The following PCDHA2 variants were observed in gnomAD, a reference collection of about 807,000 sequenced individuals.
PCDHA2 encodes the protein protocadherin alpha-2.
PCDHA2 carries 58 observed loss-of-function variants against 66.0 expected under a neutral mutation model. That is an observed-to-expected ratio of 0.88 (90% CI 0.71 to 1.09). The LOEUF (loss-of-function observed/expected upper bound fraction) is 1.09, where lower values mean the gene tolerates loss of function less well. Among genes scored for constraint, PCDHA2 ranks in the 50% least tolerant of loss-of-function variants. PCDHA2 has a pLI of 0.00. For synonymous variants in PCDHA2, 634 were observed against 554.0 expected, an observed-to-expected ratio of 1.14 and a Z score of -2.03; for missense variants, 1,267 against 1,242.3, an observed-to-expected ratio of 1.02 and a Z score of -0.30.
chr5:140,799,131 G>C (rs1762396196), intron 1 of PCDHA2, among the ~76,000 whole-genome samples: 1 of 151,712 alleles, frequency 6.6e-6, no homozygotes, highest in East Asian at 1.9e-4. Flanking sequence ...ATTTTTTCTT[G>C]GTTGTCTAAG....
intron 1 of PCDHA2, chr5:140,862,565 A>G: frequency 2.1e-6 from 1 of 478,016 alleles, no homozygotes; most frequent in Non-Finnish European, 4.3e-6. Context: ...GTGAACCACA[A>G]TGCCCTGGCG....
At chr5:140,830,050 C>A (rs1770777643) in intron 1 of PCDHA2, 1 of 1,613,786 alleles carries the variant, frequency 6.2e-7, no homozygotes, top group Non-Finnish European at 8.5e-7. Flanking sequence ...TGGTGAAAGA[C>A]CACGGTGAGC....
chr5:140,864,096 T>C (rs1459291547), intron 1 of PCDHA2: 1 of 152,506 alleles, frequency 6.6e-6, no homozygotes, highest in Non-Finnish European at 1.5e-5. Flanking sequence ...TTGATAAGTA[T>C]AATGATAATA....
chr5:140,914,944 CTT>C (rs35695909), intron 1 of PCDHA2, among the ~76,000 whole-genome samples: 2,964 of 128,208 alleles, frequency 0.023, 99 homozygotes, highest in African/African-American at 0.077. Flanking sequence ...GAAAAGTTGT[CTT>C]TTTTTTTTTT....
intron 1 of PCDHA2, chr5:140,841,685 G>T (rs1332759626): frequency 6.2e-7 from 1 of 1,613,842 alleles, no homozygotes; most frequent in Non-Finnish European, 8.5e-7. Context: ...TGTGGACGTG[G>T]AGGTGAAGGA....
At chr5:140,828,077 C>G (rs2150150614) in intron 1 of PCDHA2, 2 of 1,577,254 alleles carry the variant, frequency 1.3e-6, no homozygotes, top group South Asian at 1.2e-5. Context: ...GGAAATAAAA[C>G]CAGAGGTATT....
At position 140,836,671 on chromosome 5, in the gene PCDHA2, G is replaced by A. The variant is rs146098956; in HGVS notation, c.2388+39319G>A. The A allele has an allele frequency of 1.4e-5, 22 of 1,613,282 alleles. No individual in the cohort carries two copies. The African/African-American group carries it at 2.8e-4, about 21-fold the overall frequency. On this transcript the variant is annotated intron_variant, in intron 1 of 3. Coordinates refer to ENST00000526136, the MANE Select transcript of PCDHA2 (RefSeq NM_018905.3). ...CGGCAGAGGGTGTGCTCTGGGGAGG[G>A]CCCACCCAAGACAGACCTCATGGCC...
At chr5:140,871,639 A>T in intron 1 of PCDHA2, 1 of 1,347,750 alleles carries the variant, frequency 7.4e-7, no homozygotes, top group East Asian at 2.5e-5. Context: ...CTGTTCATAA[A>T]ATACCAAATG....
rs140380568 is a variant in PCDHA2, at chr5:140,850,532, G to T, written c.2388+53180G>T. On this transcript the variant is annotated intron_variant, in intron 1 of 3. Coordinates refer to ENST00000526136, the MANE Select transcript of PCDHA2 (RefSeq NM_018905.3). ...AGAGCGGCCAGGCGCCAAAGTCATC[G>T]TCGCGGGCGTCAGTGGGTGCCACGG... is the stretch of plus-strand genomic sequence containing the variant. 5.9e-5 allele frequency: 94 copies of T among 1,598,250 alleles called. 12 individuals carry two copies. Among genetic ancestry groups the T allele is most frequent in the Non-Finnish European group, 7.6e-5 (89 of 1,167,856 alleles).
At position 140,870,848 on chromosome 5, in the gene PCDHA2, G is replaced by C. The variant is rs368769297; in HGVS notation, c.2388+73496G>C. The C allele has an allele frequency of 2.2e-5, 35 of 1,613,876 alleles. No homozygotes were observed. In the African/African-American group the frequency reaches 3.3e-4, roughly 15 times the overall value. ...GGCGCAGTTAACAAGCTAGTACCGCGGTCGGTGGGTGCGGGCCACGTGGTG... is the reference window on the plus strand; with the variant it reads ...GGCGCAGTTAACAAGCTAGTACCGCCGTCGGTGGGTGCGGGCCACGTGGTG... On this transcript the variant is annotated intron_variant, in intron 1 of 3. Transcript: ENST00000526136.
intron 1 of PCDHA2, among the ~76,000 whole-genome samples, chr5:140,879,380 T>C (rs1213546230): frequency 6.6e-6 from 1 of 152,106 alleles, no homozygotes; most frequent in Admixed American, 6.5e-5. Flanking sequence ...CAGAACAAGG[T>C]TGGAGAAACA....
In PCDHA2 at chr5:140,796,473, G is replaced by A; in HGVS notation, c.1509G>A (p.Ala503=). The part of the protein sequence containing the change: ...SLVERRVGER[A]LSSYVSVHAE... ...TGGAGCGGCGGGTGGGCGAGCGCGC[G>A]TTGTCGAGCTACGTTTCGGTGCACG... The change falls in exon 1 of 4, where the codon GCG becomes GCA. Residue 503 remains alanine, a synonymous_variant. Coordinates refer to ENST00000526136, the MANE Select transcript of PCDHA2 (RefSeq NM_018905.3). 2 of 1,612,228 alleles carry A rather than the reference G, an allele frequency of 1.2e-6. No homozygotes were observed. Among genetic ancestry groups the A allele is most frequent in the Non-Finnish European group, 1.7e-6 (2 of 1,179,828 alleles).
At chr5:140,801,154 T>C in intron 1 of PCDHA2, 1 of 1,533,732 alleles carries the variant, frequency 6.5e-7, no homozygotes, top group African/African-American at 1.4e-5. Context: ...TTTTTAAACT[T>C]TGGATCAATG....
chr5:140,871,452 G>C, intron 1 of PCDHA2: 1 of 1,608,608 alleles, frequency 6.2e-7, no homozygotes, highest in Non-Finnish European at 8.5e-7. Context: ...ATAAAGAGGA[G>C]GAAGGGGAAA....
chr5:140,851,523 C>T lies in PCDHA2; in HGVS notation c.2388+54171C>T, dbSNP rs1562479634. The T allele has an allele frequency of 1.1e-5, 10 of 902,364 alleles. 2 individuals are homozygous for T. The highest frequency in any genetic ancestry group is 1.4e-5 in the Non-Finnish European group (10 of 740,586). 55.9% of individuals were successfully genotyped at this position (902,364 alleles called of 1,614,324 possible). A position where few individuals can be genotyped will look rare whatever the true frequency, so the allele number is the denominator to read the frequency against. On this transcript the variant is annotated intron_variant, in intron 1 of 3. Coordinates refer to ENST00000526136, the MANE Select transcript of PCDHA2 (RefSeq NM_018905.3). The stretch of plus-strand genomic sequence containing the variant: ...CTTATATAAAATATGTTTTAAAATG[C>T]CTGACAATGTAGATAATTCAAGAAA...
chr5:141,008,284 GC>G (rs2098367825), intron 3 of PCDHA2, among the ~76,000 whole-genome samples: 1 of 152,150 alleles, frequency 6.6e-6, no homozygotes, highest in Admixed American at 6.5e-5. Context: ...AATTGAAATA[GC>G]AGTTGTACCC....
chr5:140,871,519 A>G, intron 1 of PCDHA2: 1 of 1,554,010 alleles, frequency 6.4e-7, no homozygotes, highest in East Asian at 2.3e-5. Flanking sequence ...GATTCCACCT[A>G]TCAGGAAGTG....
chr5:140,836,804 T>A, intron 1 of PCDHA2: 12 of 1,321,042 alleles, frequency 9.1e-6, no homozygotes, highest in Non-Finnish European at 9.3e-6. Context: ...CTCCTTAAAT[T>A]TTCTTTCATA....
At position 140,849,935 on chromosome 5, in the gene PCDHA2, G is replaced by C. The variant is rs2150458512; in HGVS notation, c.2388+52583G>C. The C allele has an allele frequency of 9.4e-6, 15 of 1,598,054 alleles. 1 individual carries two copies. In the East Asian group the frequency reaches 3.1e-4, roughly 33 times the overall value. On this transcript the variant is annotated intron_variant, in intron 1 of 3. Transcript: ENST00000526136. ...GCCACATCTTCACGGTGTCTGCGCG[G>C]GACGCTGACGCGCAGGAGAACGCCC...
Sources: allele counts gnomAD v4.1 joint callset (sites outside exome capture counted in the v4.1 genomes callset), GRCh38; gene constraint gnomAD v4.1.1; transcripts MANE v1.5; gene names NCBI Gene and HGNC (gene_info 2026-07-23, HGNC 2026-07-21).